PTGFRN: variants seen among roughly 807,000 people sequenced by gnomAD.
PTGFRN encodes the protein prostaglandin F2 receptor negative regulator.
Under a neutral mutation model 83.2 loss-of-function variants are expected in PTGFRN, and 35 were observed. The ratio of observed to expected loss-of-function variants is 0.42; its 90% CI spans 0.32 to 0.56. The LOEUF is 0.56. Ranked by LOEUF, PTGFRN falls within the 20% of genes least tolerant of loss-of-function variation. PTGFRN has a pLI of 0.11. For synonymous variants in PTGFRN, 519 were observed against 498.6 expected (o/e 1.04, Z -0.55); for missense variants, 1,051 against 1,179.5 (o/e 0.89, Z 1.60).
rs757557644 is a variant in PTGFRN, at chr1:116,961,510, A to G, written c.1481A>G (p.His494Arg). 3.7e-6 allele frequency: 6 copies of G among 1,614,086 alleles called. No individual in the cohort carries two copies. The highest frequency in any genetic ancestry group is 1.1e-5 in the South Asian group (1 of 91,074). Residue 494 changes from histidine (H) to arginine (R), a missense_variant, in exon 5 of 9, where the codon CAT (histidine) becomes CGT (arginine). Around this residue, in one of 3 missense-constraint regions of PTGFRN, gnomAD observed 719 missense variants for 836.6 expected, o/e 0.86. Transcript: ENST00000393203. The surrounding 1 kb of genome is among the most constrained non-coding windows in gnomAD (Gnocchi z 5.4). ...QDGDFIFSKEHTDTFNFRIQR... is the reference protein window; with the variant it reads ...QDGDFIFSKERTDTFNFRIQR... ...GGAGACTTTATTTTTTCTAAGGAAC[A>G]TACAGACACGTTCAATTTCCGGATC...
intron 7 of PTGFRN, among the ~76,000 whole-genome samples, chr1:116,977,550 A>G (rs1403986891): frequency 2.6e-5 from 4 of 152,232 alleles, no homozygotes; most frequent in African/African-American, 7.2e-5. Flanking sequence ...ATCAGACTAG[A>G]ACTCAGGTTA....
intron 1 of PTGFRN, among the ~76,000 whole-genome samples, chr1:116,928,942 C>A (rs1352110468): frequency 3.3e-5 from 5 of 152,160 alleles, no homozygotes; most frequent in Non-Finnish European, 5.9e-5. Context: ...TGATGACTCT[C>A]TAGTGAGTAT....
At chr1:116,937,813 C>T (rs1459394006) in intron 1 of PTGFRN, among the ~76,000 whole-genome samples, 7 of 152,136 alleles carry the variant, frequency 4.6e-5, no homozygotes, top group African/African-American at 1.4e-4. Flanking sequence ...CAGGTTTATC[C>T]TAGAGGTGGC....
rs1379749226 is a variant in PTGFRN, at chr1:116,988,619, G to A, written c.*1652G>A. On this transcript the variant is annotated 3_prime_UTR_variant, in exon 9 of 9. Coordinates refer to ENST00000393203, the MANE Select transcript of PTGFRN (RefSeq NM_020440.4). Reference sequence around the variant, plus strand: ...ACAAAATGATGGCCATTCATGTGCAGCTCTTTGTCACCATGGGCCGGATGA... The same window carrying A: ...ACAAAATGATGGCCATTCATGTGCAACTCTTTGTCACCATGGGCCGGATGA... 6.5e-6 allele frequency: 1 copy of A among 152,794 alleles called. No individual in the cohort carries two copies. Among genetic ancestry groups the A allele is most frequent in the Non-Finnish European group, 1.5e-5 (1 of 68,134 alleles). The allele number at this position is 152,794 out of a possible 1,614,324, so 9.5% of individuals were successfully genotyped here.
chr1:116,988,813 C>T lies in PTGFRN; in HGVS notation c.*1846C>T, dbSNP rs376460514. On this transcript the variant is annotated 3_prime_UTR_variant, in exon 9 of 9. Transcript: ENST00000393203. Reference sequence around the variant, plus strand: ...CATTGACAGTAGCCTTTCCTTGGCCCGGGCCTGTGGTGGGAAGACGGGCAA... The same window carrying T: ...CATTGACAGTAGCCTTTCCTTGGCCTGGGCCTGTGGTGGGAAGACGGGCAA... The T allele has an allele frequency of 8.2e-4, 125 of 152,620 alleles. 5 individuals are homozygous for T. In the South Asian group the frequency reaches 0.025, roughly 30 times the overall value. The allele number at this position is 152,620 out of a possible 1,614,324, so 9.5% of individuals were successfully genotyped here.
In PTGFRN at chr1:116,910,022, G is replaced by A. The variant is rs945832654; in HGVS notation, c.-182G>A. 1.1e-5 allele frequency: 8 copies of A among 703,698 alleles called. No homozygotes were observed. Among genetic ancestry groups the A allele is most frequent in the Admixed American group, 6.6e-5 (3 of 45,212 alleles). The allele number at this position is 703,698 out of a possible 1,614,324, so 43.6% of individuals were successfully genotyped here. A position where few individuals can be genotyped will look rare whatever the true frequency, so the allele number is the denominator to read the frequency against. ...GAGGGAAGGAGGCGGGAGGGAGCGA[G>A]CGGAGCCAGGGGCGCACGTACGCCC... On this transcript the variant is annotated 5_prime_UTR_variant, in exon 1 of 9. Coordinates refer to ENST00000393203, the MANE Select transcript of PTGFRN (RefSeq NM_020440.4).
chr1:116,939,842 A>G (rs1650017618), intron 1 of PTGFRN, among the ~76,000 whole-genome samples: 1 of 152,176 alleles, frequency 6.6e-6, no homozygotes, highest in African/African-American at 2.4e-5. Flanking sequence ...CAGATACCCT[A>G]AATCATCTCT....
chr1:116,930,370 C>G (rs1649764064), intron 1 of PTGFRN, among the ~76,000 whole-genome samples: 1 of 152,184 alleles, frequency 6.6e-6, no homozygotes, highest in African/African-American at 2.4e-5. Context: ...CCCATTCCCT[C>G]TTTTCTATAC....
intron 1 of PTGFRN, among the ~76,000 whole-genome samples, chr1:116,940,215 T>C (rs1021540022): frequency 2.6e-5 from 4 of 152,234 alleles, no homozygotes; most frequent in African/African-American, 9.6e-5. Flanking sequence ...GCCAGAAGTC[T>C]AAGATCAAGG....
intron 3 of PTGFRN, among the ~76,000 whole-genome samples, chr1:116,947,246 G>T (rs1203883455): frequency 2.0e-5 from 3 of 152,202 alleles, no homozygotes; most frequent in South Asian, 2.1e-4. Context: ...TGCTACCCAT[G>T]TGGCAGGGAG....
At position 116,941,966 on chromosome 1, in the gene PTGFRN, G is replaced by A; in HGVS notation, c.301G>A (p.Ala101Thr). ...CCTGTTAAGGCGGACTGCCAACGAC[G>A]CCGTGGAGCTCCACATAAAGAACGT... ...EILLRRTAND[A>T]VELHIKNVQP... The change falls in exon 2 of 9, where the codon GCC (alanine) becomes ACC (threonine). Residue 101 changes from alanine (A) to threonine (T), a missense_variant. By Grantham distance (58) the Ala-to-Thr change is moderately conservative. Around this residue, in one of 3 missense-constraint regions of PTGFRN, gnomAD observed 127 missense variants for 168.4 expected, o/e 0.75. Transcript: ENST00000393203. This position sits in a 1 kb window ranked among gnomAD's most constrained non-coding sequence, Gnocchi z 5.0. The A allele has an allele frequency of 1.2e-6, 2 of 1,614,180 alleles. No homozygotes were observed. Among genetic ancestry groups the A allele is most frequent in the Non-Finnish European group, 8.5e-7 (1 of 1,180,032 alleles).
chr1:116,953,623 A>G (rs1368589586), intron 4 of PTGFRN, among the ~76,000 whole-genome samples: 1 of 152,012 alleles, frequency 6.6e-6, no homozygotes, highest in African/African-American at 2.4e-5. Context: ...TTCCCCACCA[A>G]GTTCTTAACC....
intron 1 of PTGFRN, among the ~76,000 whole-genome samples, chr1:116,940,736 A>G (rs961279383): frequency 6.6e-6 from 1 of 152,234 alleles, no homozygotes; most frequent in Non-Finnish European, 1.5e-5. Flanking sequence ...GGTCTCTCAG[A>G]TTGCAACTTA....
At chr1:116,965,392 G>A (rs1650795439) in intron 5 of PTGFRN, among the ~76,000 whole-genome samples, 1 of 152,064 alleles carries the variant, frequency 6.6e-6, no homozygotes, top group South Asian at 2.1e-4. Flanking sequence ...TCAAACTCCT[G>A]GACTCAAGCC....
intron 1 of PTGFRN, among the ~76,000 whole-genome samples, chr1:116,938,529 C>T (rs1649978868): frequency 6.6e-6 from 1 of 152,126 alleles, no homozygotes; most frequent in South Asian, 2.1e-4. Flanking sequence ...ATGAGAACAG[C>T]ACGGGAAAGA....
Position 116,944,986 on chromosome 1 carries a change from G to C in PTGFRN, c.726G>C (p.Gln242His). The C allele has an allele frequency of 6.2e-7, 1 of 1,613,870 alleles. No homozygotes were observed. The highest frequency in any genetic ancestry group is 8.5e-7 in the Non-Finnish European group (1 of 1,180,020). ...TGTCCCGGGCTCTGTCTGCCGACCAGGGCTCCTACAGGTGTATCGTCAGCG... is the reference window on the plus strand; with the variant it reads ...TGTCCCGGGCTCTGTCTGCCGACCACGGCTCCTACAGGTGTATCGTCAGCG... ...LSVSRALSAD[Q>H]GSYRCIVSEW... The change falls in exon 3 of 9, where the codon CAG becomes CAC. Residue 242 changes from glutamine (Q) to histidine (H), a missense_variant. Gln to His is a conservative substitution (Grantham distance 24). Around this residue, in one of 3 missense-constraint regions of PTGFRN, gnomAD observed 205 missense variants for 174.5 expected, o/e 1.17. Coordinates refer to ENST00000393203, the MANE Select transcript of PTGFRN (RefSeq NM_020440.4).
chr1:116,914,610 C>T (rs1017309985), intron 1 of PTGFRN, among the ~76,000 whole-genome samples: 3 of 151,980 alleles, frequency 2.0e-5, no homozygotes, highest in Non-Finnish European at 4.4e-5. Flanking sequence ...AAAAGTTAGC[C>T]GGGTATGGTG....
At chr1:116,980,307 G>A (rs1249212882) in intron 7 of PTGFRN, among the ~76,000 whole-genome samples, 2 of 152,180 alleles carry the variant, frequency 1.3e-5, no homozygotes, top group East Asian at 1.9e-4. Flanking sequence ...ACAGTGTGGC[G>A]ATTCCTCAAG....
intron 1 of PTGFRN, among the ~76,000 whole-genome samples, chr1:116,916,789 A>G (rs370540851): frequency 5.9e-5 from 9 of 152,284 alleles, no homozygotes; most frequent in African/African-American, 1.9e-4. Context: ...TTATTCAGCA[A>G]ATATTGAGCA....
Sources: gnomAD v4.1 joint callset for allele counts (sites outside exome capture counted in the v4.1 genomes callset) on GRCh38, gnomAD v4.1.1 for gene constraint, gnomAD v4.1.1 regional missense constraint, Gnocchi (gnomAD v3.1) non-coding constraint, MANE v1.5 for transcripts, NCBI Gene and HGNC (gene_info 2026-07-23, HGNC 2026-07-21) for gene names.